The following GRIK2 variants were observed in gnomAD, a reference collection of about 807,000 sequenced individuals.
GRIK2 encodes the protein glutamate ionotropic receptor kainate type subunit 2, also known as glutamate receptor ionotropic, kainate 2.
GRIK2 carries 32 observed loss-of-function variants against 100.3 expected under a neutral mutation model. That is an observed-to-expected ratio of 0.32 (90% CI 0.24 to 0.43). The LOEUF is 0.43. Ranked by LOEUF, GRIK2 falls within the 20% of genes least tolerant of loss-of-function variation. The pLI is 1.00. For missense variants in GRIK2, 843 were observed against 1,114.9 expected, an observed-to-expected ratio of 0.76 and a Z score of 3.47; for synonymous variants, 417 against 389.4, an observed-to-expected ratio of 1.07 and a Z score of -0.83.
chr6:101,966,234 A>G (rs1792665989), intron 14 of GRIK2, among the ~76,000 whole-genome samples: 1 of 152,174 alleles, frequency 6.6e-6, no homozygotes, highest in Non-Finnish European at 1.5e-5. Context: ...TTGTTTAGCT[A>G]AGGAAGAAAA....
chr6:101,555,490 A>G (rs2128293691), intron 2 of GRIK2, among the ~76,000 whole-genome samples: 1 of 152,326 alleles, frequency 6.6e-6, no homozygotes, highest in Admixed American at 6.5e-5. Flanking sequence ...TTTCAGACTA[A>G]CTCCTATATC....
chr6:101,817,183 C>T (rs1445392115), intron 9 of GRIK2, among the ~76,000 whole-genome samples: 8 of 152,028 alleles, frequency 5.3e-5, no homozygotes, highest in Non-Finnish European at 1.2e-4. Context: ...TGACTTTTTC[C>T]TTCCTAACAC....
chr6:101,891,378 G>T (rs375327085), intron 12 of GRIK2, among the ~76,000 whole-genome samples: 2 of 151,578 alleles, frequency 1.3e-5, no homozygotes, highest in Non-Finnish European at 2.9e-5. Context: ...TTAACTGGGC[G>T]TGGTGGTGTG....
At chr6:101,825,331 A>G (rs2128425366) in intron 10 of GRIK2, among the ~76,000 whole-genome samples, 1 of 152,134 alleles carries the variant, frequency 6.6e-6, no homozygotes, top group African/African-American at 2.4e-5. Context: ...CTGATAACTC[A>G]GTGTGTTTTA....
intron 14 of GRIK2, among the ~76,000 whole-genome samples, chr6:101,962,632 G>A (rs61400045): frequency 0.045 from 6,790 of 152,072 alleles, 502 homozygotes; most frequent in African/African-American, 0.16. Flanking sequence ...AGCTACTGAA[G>A]TCCTCAACTC....
At chr6:102,051,375 A>G (rs1388671879) in intron 15 of GRIK2, among the ~76,000 whole-genome samples, 1 of 150,812 alleles carries the variant, frequency 6.6e-6, no homozygotes, top group Non-Finnish European at 1.5e-5. Flanking sequence ...AACTTGTAAA[A>G]AGATAATTTA....
intron 2 of GRIK2, chr6:101,430,778 C>A: frequency 4.2e-6 from 1 of 239,238 alleles, no homozygotes; most frequent in South Asian, 7.2e-5. Context: ...AGCTCCTTTC[C>A]AGGGAGGAAG....
chr6:101,641,184 T>C (rs1781262367), intron 4 of GRIK2, among the ~76,000 whole-genome samples: 1 of 152,104 alleles, frequency 6.6e-6, no homozygotes, highest in Non-Finnish European at 1.5e-5. Flanking sequence ...TGTTTTATAA[T>C]ATCCATTTCA....
At chr6:101,661,117 G>A (rs147852355) in intron 4 of GRIK2, among the ~76,000 whole-genome samples, 3 of 152,306 alleles carry the variant, frequency 2.0e-5, no homozygotes, top group East Asian at 1.9e-4. Flanking sequence ...GAAGACAGAT[G>A]TTTTATCTAT....
intron 14 of GRIK2, among the ~76,000 whole-genome samples, chr6:101,944,050 G>A (rs566177295): frequency 6.6e-6 from 1 of 152,082 alleles, no homozygotes; most frequent in Non-Finnish European, 1.5e-5. Context: ...TAATGGTTTA[G>A]CACCGTCCTC....
chr6:101,597,600 CAAAG>C (rs2128308663), intron 2 of GRIK2, among the ~76,000 whole-genome samples: 1 of 151,788 alleles, frequency 6.6e-6, no homozygotes, highest in Admixed American at 6.6e-5. Context: ...TTCTCTGACA[CAAAG>C]AAGATTCTGA....
intron 6 of GRIK2, 128 bp downstream of exon 6, chr6:101,682,734 T>A: frequency 2.0e-6 from 1 of 502,278 alleles, no homozygotes; most frequent in Non-Finnish European, 3.6e-6. Context: ...TTGATAAGAC[T>A]CCACCAAAAT....
At chr6:101,462,028 T>C (rs149326279) in intron 2 of GRIK2, among the ~76,000 whole-genome samples, 2 of 152,300 alleles carry the variant, frequency 1.3e-5, no homozygotes, top group African/African-American at 4.8e-5. Context: ...TCGTATACTT[T>C]AATGTGATCT....
intron 14 of GRIK2, among the ~76,000 whole-genome samples, chr6:101,941,847 A>C (rs995758387): frequency 6.6e-6 from 1 of 152,152 alleles, no homozygotes; most frequent in African/African-American, 2.4e-5. Flanking sequence ...ATGGCAAACC[A>C]GTGCCTTTTT....
chr6:102,044,745 C>T lies in GRIK2; in HGVS notation c.2311+9179C>T, dbSNP rs1345264351. Among the ~76,000 whole-genome samples the T allele has an allele frequency of 2.0e-5, 3 of 151,938 alleles. No individual in the cohort carries two copies. In the East Asian group the frequency reaches 5.8e-4, roughly 30 times the overall value. On this transcript the variant is annotated intron_variant, in intron 15 of 16. Coordinates refer to ENST00000369134, the MANE Select transcript of GRIK2 (RefSeq NM_021956.5). ...CCTTTCTGAATTTATCCCCTCTTCCCTACATCTAACCTGATAACAATACAA... is the reference window on the plus strand; with the variant it reads ...CCTTTCTGAATTTATCCCCTCTTCCTTACATCTAACCTGATAACAATACAA...
chr6:101,719,219 G>A (rs1774298596), intron 7 of GRIK2, among the ~76,000 whole-genome samples: 2 of 124,884 alleles, frequency 1.6e-5, no homozygotes, highest in South Asian at 5.0e-4. Context: ...TTTGTTGCAT[G>A]GCAGATTTCC....
At chr6:101,835,997 A>G (rs1014482501) in intron 10 of GRIK2, among the ~76,000 whole-genome samples, 3 of 121,876 alleles carry the variant, frequency 2.5e-5, no homozygotes, top group Admixed American at 8.3e-5. Flanking sequence ...CATCCTGAGA[A>G]AGGTTGCTGA....
At chr6:101,808,860 GC>G (rs1781158225) in intron 9 of GRIK2, among the ~76,000 whole-genome samples, 2 of 151,698 alleles carry the variant, frequency 1.3e-5, no homozygotes, top group Non-Finnish European at 2.9e-5. Context: ...CAATGTGTTT[GC>G]CCCAGCGTAG....
chr6:101,675,205 T>G (rs1459099605), intron 4 of GRIK2, among the ~76,000 whole-genome samples: 1 of 152,068 alleles, frequency 6.6e-6, no homozygotes, highest in African/African-American at 2.4e-5. Flanking sequence ...TTTTTATTTA[T>G]ATTTACTCCT....
Sources: gnomAD v4.1 joint callset for allele counts (sites outside exome capture counted in the v4.1 genomes callset) on GRCh38, gnomAD v4.1.1 for gene constraint, MANE v1.5 for transcripts, NCBI Gene and HGNC (gene_info 2026-07-23, HGNC 2026-07-21) for gene names.